COL11A1: variants seen among roughly 807,000 people sequenced by gnomAD.
The protein encoded by COL11A1 is collagen alpha-1(XI) chain.
Under a neutral mutation model 265.2 loss-of-function variants are expected in COL11A1, and 74 were observed. The ratio of observed to expected loss-of-function variants is 0.28; its 90% confidence interval spans 0.23 to 0.34. COL11A1 has a LOEUF of 0.34. COL11A1 is among the 10% of genes least tolerant of loss of function. The probability of loss-of-function intolerance (pLI) is 1.00; values close to 1 mark genes in which losing one functional copy is unlikely to be tolerated. For missense variants in COL11A1, 2,165 were observed against 2,263.6 expected, an observed-to-expected ratio of 0.96 and a Z score of 0.88; for synonymous variants, 816 against 727.6, an observed-to-expected ratio of 1.12 and a Z score of -1.96.
intron 57 of COL11A1, among the ~76,000 whole-genome samples, chr1:102,890,961 A>G (rs953742583): frequency 6.6e-6 from 1 of 152,098 alleles, no homozygotes; most frequent in Admixed American, 6.6e-5. Flanking sequence ...AATAGACAAA[A>G]TTTTAATACA....
intron 49 of COL11A1, among the ~76,000 whole-genome samples, chr1:102,917,384 A>G (rs1655461721): frequency 6.6e-6 from 1 of 151,924 alleles, no homozygotes; most frequent in Non-Finnish European, 1.5e-5. Context: ...CTATAAAAAT[A>G]CTAAAAGAAA....
intron 28 of COL11A1, among the ~76,000 whole-genome samples, chr1:102,991,906 T>A (rs12739173): frequency 6.6e-6 from 1 of 151,590 alleles, no homozygotes; most frequent in African/African-American, 2.4e-5. Flanking sequence ...CTGTACTGAA[T>A]GTGATTGGGC....
chr1:102,988,594 C>A (rs1663813367), intron 29 of COL11A1, among the ~76,000 whole-genome samples: 2 of 151,968 alleles, frequency 1.3e-5, no homozygotes, highest in Non-Finnish European at 1.5e-5. Context: ...TGTTTTTGTT[C>A]ATGAAAAAGA....
At chr1:102,917,571 T>C (rs1396868762) in intron 49 of COL11A1, among the ~76,000 whole-genome samples, 1 of 151,866 alleles carries the variant, frequency 6.6e-6, no homozygotes, top group Non-Finnish European at 1.5e-5. Flanking sequence ...TAATTCATGG[T>C]AACATCACAG....
At chr1:103,006,187 A>AAATAAATAAATG in intron 16 of COL11A1, 66 bp from the exon 17 acceptor site, 1 of 1,235,570 alleles carries the variant, frequency 8.1e-7, no homozygotes, top group Non-Finnish European at 1.1e-6. Flanking sequence ...TAAAATAAAT[A>AAATAAATAAATG]AATAAATAAA....
intron 24 of COL11A1, chr1:103,001,372 C>T (rs1665093387): frequency 1.8e-5 from 7 of 396,388 alleles, no homozygotes; most frequent in East Asian, 3.6e-5. Context: ...TAGAAATGTG[C>T]TATGACTACA....
chr1:102,975,728 A>G (rs1204151429), intron 35 of COL11A1, among the ~76,000 whole-genome samples: 2 of 152,144 alleles, frequency 1.3e-5, no homozygotes, highest in Non-Finnish European at 2.9e-5. Flanking sequence ...CATAAGTAAA[A>G]TGTCTTAAGT....
At chr1:103,004,685 T>A (rs1482082389) in intron 18 of COL11A1, 24 bp from the exon 19 acceptor site, 2 of 1,590,230 alleles carry the variant, frequency 1.3e-6, no homozygotes, top group Non-Finnish European at 1.7e-6. Context: ...ACAAATAAGA[T>A]TAGCATATGG....
At chr1:102,954,896 T>C (rs1229465669) in intron 41 of COL11A1, among the ~76,000 whole-genome samples, 1 of 151,058 alleles carries the variant, frequency 6.6e-6, no homozygotes, top group Non-Finnish European at 1.5e-5. Flanking sequence ...AACTATGAAG[T>C]ACTTTCACTC....
intron 43 of COL11A1, among the ~76,000 whole-genome samples, chr1:102,939,750 C>A (rs775590313): frequency 6.6e-6 from 1 of 151,990 alleles, no homozygotes; most frequent in Non-Finnish European, 1.5e-5. Flanking sequence ...GGAAAAAATT[C>A]TTTTCTGCTA....
chr1:102,891,819 G>A (rs1465086985), intron 57 of COL11A1, among the ~76,000 whole-genome samples: 4 of 151,966 alleles, frequency 2.6e-5, no homozygotes, highest in African/African-American at 9.7e-5. Context: ...TGAGTTTGAG[G>A]CTTCGGTGAG....
chr1:102,997,608 T>A (rs912726564), intron 25 of COL11A1, among the ~76,000 whole-genome samples: 4 of 151,820 alleles, frequency 2.6e-5, no homozygotes, highest in African/African-American at 9.7e-5. Flanking sequence ...TAAATAAAAA[T>A]GTATAGCCAT....
At chr1:103,043,260 T>C (rs1486783179) in intron 4 of COL11A1, among the ~76,000 whole-genome samples, 1 of 148,586 alleles carries the variant, frequency 6.7e-6, no homozygotes. Flanking sequence ...ATATGAAATA[T>C]ATATTTTATA....
intron 57 of COL11A1, among the ~76,000 whole-genome samples, chr1:102,890,746 T>C (rs1651665063): frequency 6.6e-6 from 1 of 152,224 alleles, no homozygotes; most frequent in East Asian, 1.9e-4. Flanking sequence ...AAATAGAACA[T>C]GGTTATATGG....
intron 4 of COL11A1, 52 bp downstream of exon 4, chr1:103,074,566 C>G: frequency 1.3e-6 from 2 of 1,594,588 alleles, no homozygotes; most frequent in Non-Finnish European, 1.7e-6. Context: ...CTGTTGTTAA[C>G]CCAGTTCATC....
At chr1:103,013,682 C>T (rs1258477403) in intron 13 of COL11A1, among the ~76,000 whole-genome samples, 3 of 151,816 alleles carry the variant, frequency 2.0e-5, no homozygotes, top group Non-Finnish European at 4.4e-5. Context: ...TATTTTTACA[C>T]ATGCTGCATA....
chr1:103,047,283 T>C (rs1005261739), intron 4 of COL11A1, among the ~76,000 whole-genome samples: 55 of 152,298 alleles, frequency 3.6e-4, no homozygotes, highest in African/African-American at 1.3e-3. Context: ...TTTATTTCAT[T>C]GAGCAGTGGT....
chr1:103,026,195 C>T (rs754628795), intron 6 of COL11A1, 21 bp downstream of exon 6: 1 of 1,516,876 alleles, frequency 6.6e-7, no homozygotes, highest in Non-Finnish European at 9.2e-7. Flanking sequence ...ACCACATACA[C>T]AGGCACTGCT....
rs1185588141 is a variant in COL11A1, at chr1:102,912,068, A to G, written c.4086+91T>C. ...TTATGATATTTCTCATTATTCTTATAACATGCTGCCTGCAGCTTACACACA... is the reference window on the plus strand; with the variant it reads ...TTATGATATTTCTCATTATTCTTATGACATGCTGCCTGCAGCTTACACACA... On this transcript the variant is annotated intron_variant, in intron 54 of 66. Coordinates refer to ENST00000370096, the MANE Select transcript of COL11A1 (RefSeq NM_001854.4). 5 of 1,054,572 alleles carry G rather than the reference A, an allele frequency of 4.7e-6. No individual in the cohort carries two copies. The African/African-American group carries it at 6.4e-5, about 14-fold the overall frequency. The allele number at this position is 1,054,572 out of a possible 1,614,324, so 65.3% of individuals were successfully genotyped here.
Sources: gnomAD v4.1 joint callset for allele counts (sites outside exome capture counted in the v4.1 genomes callset) on GRCh38, gnomAD v4.1.1 for gene constraint, MANE v1.5 for transcripts, NCBI Gene and HGNC (gene_info 2026-07-23, HGNC 2026-07-21) for gene names.